Variants in CLCN4 observed in about 807,000 individuals in gnomAD.
The protein encoded by CLCN4 is H(+)/Cl(-) exchange transporter 4.
Under a neutral mutation model 41.7 loss-of-function variants are expected in CLCN4, and 1 was observed. The observed-to-expected ratio is 0.02, with a 90% CI of 0.01 to 0.11. The LOEUF (loss-of-function observed/expected upper bound fraction) is 0.11, where lower values mean the gene tolerates loss of function less well. Ranked by LOEUF, CLCN4 falls within the 10% of genes least tolerant of loss-of-function variation. CLCN4 has a pLI of 1.00. For missense variants in CLCN4, 287 were observed against 661.0 expected, an observed-to-expected ratio of 0.43 and a Z score of 6.20; for synonymous variants, 277 against 285.8, an observed-to-expected ratio of 0.97 and a Z score of 0.31.
intron 3 of CLCN4, among the ~76,000 whole-genome samples, chrX:10,186,163 T>C (rs1338780967): frequency 9.1e-6 from 1 of 110,435 alleles, no homozygotes; most frequent in East Asian, 2.9e-4. Context: ...GGCCATTGAG[T>C]TCTGTGTAGA....
At position 10,197,975 on chromosome X, in the gene CLCN4, A is replaced by C. The variant is rs913431577; in HGVS notation, c.469A>C (p.Ile157Leu). ...SAYILNYLMY[I>L]LWALLFAFLA... The stretch of plus-strand genomic sequence containing the variant: ...TTACATTCTGAATTACTTAATGTAC[A>C]TCCTATGGGCGCTGCTGTTTGCATT... The change falls in exon 6 of 13, where the codon ATC becomes CTC. Residue 157 changes from isoleucine (I) to leucine (L), a missense_variant. By Grantham distance (5) the Ile-to-Leu change is conservative. Around this residue, in one of 6 missense-constraint regions of CLCN4, gnomAD observed 90 missense variants for 209.8 expected, o/e 0.43. Coordinates refer to ENST00000380833, the MANE Select transcript of CLCN4 (RefSeq NM_001830.4). 1.7e-6 allele frequency: 2 copies of C among 1,209,852 alleles called. No homozygotes were observed. Among genetic ancestry groups the C allele is most frequent in the African/African-American group, 1.7e-5 (1 of 57,532 alleles).
In CLCN4 at chrX:10,234,367, C is replaced by T. The variant is rs1347290290; in HGVS notation, c.*783C>T. On this transcript the variant is annotated 3_prime_UTR_variant, in exon 13 of 13. Transcript: ENST00000380833. The stretch of plus-strand genomic sequence containing the variant: ...TCCTTATTTTGAGGGTATACTCACC[C>T]GATCATTGATTTGCATCCCCATGGC... The T allele has an allele frequency of 3.5e-5, 4 of 112,953 alleles. No individual in the cohort carries two copies. Among genetic ancestry groups the T allele is most frequent in the Admixed American group, 9.4e-5 (1 of 10,678 alleles). 9.3% of individuals were successfully genotyped at this position (112,953 alleles called of 1,213,427 possible).
intron 4 of CLCN4, among the ~76,000 whole-genome samples, chrX:10,192,698 C>T (rs1923999377): frequency 8.9e-6 from 1 of 111,962 alleles, no homozygotes; most frequent in Admixed American, 9.4e-5. Flanking sequence ...ATTTGGAAAG[C>T]CTATTTGACC....
chrX:10,188,759 A>G (rs1923879038), intron 4 of CLCN4, among the ~76,000 whole-genome samples: 1 of 112,523 alleles, frequency 8.9e-6, no homozygotes, highest in African/African-American at 3.2e-5. Flanking sequence ...TAAGAAGGAC[A>G]GAACACAAAT....
rs1924641749 is a variant in CLCN4 at position 10,214,035 on chromosome X, G to A, written c.1931G>A (p.Arg644His). 1 of 1,193,443 alleles carries A rather than the reference G, an allele frequency of 8.4e-7. No individual in the cohort carries two copies. The highest frequency in any genetic ancestry group is 1.1e-6 in the Non-Finnish European group (1 of 887,021). ...GTGGTGGTCTCCAGAGACTCCGAGCGCCTCATTGGATTTGCCCAGAGGAGG... is the reference window on the plus strand; with the variant it reads ...GTGGTGGTCTCCAGAGACTCCGAGCACCTCATTGGATTTGCCCAGAGGAGG... Reference protein sequence around the residue: ...FPVVVSRDSERLIGFAQRREL... With the variant: ...FPVVVSRDSEHLIGFAQRREL... Residue 644 changes from arginine to histidine, a missense_variant, in exon 11 of 13, where the codon CGC (arginine) becomes CAC (histidine). Physicochemically the swap from Arg to His is conservative, Grantham distance 29. Around this residue, in one of 6 missense-constraint regions of CLCN4, gnomAD observed 71 missense variants for 104.5 expected, o/e 0.68. Transcript: ENST00000380833.
intron 6 of CLCN4, among the ~76,000 whole-genome samples, chrX:10,204,611 G>GTTTTTTTTTTTT (rs1307394281): frequency 5.1e-5 from 1 of 19,685 alleles, no homozygotes; most frequent in African/African-American, 1.2e-4. Context: ...AAAGCTAGTA[G>GTTTTTTTTTTTT]TCTTTTTTTT....
chrX:10,220,962 C>T (rs997901373), intron 12 of CLCN4, 85 bp downstream of exon 12: 66 of 797,682 alleles, frequency 8.3e-5, no homozygotes, highest in Non-Finnish European at 1.2e-4. Flanking sequence ...ATGTGGAGGG[C>T]CATGGGGTGG....
intron 12 of CLCN4, among the ~76,000 whole-genome samples, chrX:10,230,822 T>C (rs1925109459): frequency 8.9e-6 from 1 of 112,391 alleles, no homozygotes; most frequent in Admixed American, 9.4e-5. Flanking sequence ...TTTGTTGTAA[T>C]TGATGAACCA....
rs41297324 is a variant in CLCN4, at chrX:10,220,715, C to T, written c.2030C>T (p.Thr677Met). Reference sequence around the variant, plus strand: ...GTGAGCAATTCCATCATGTACTTCACGGAGGAACCCCCCGAGCTGCCGGCC... The same window carrying T: ...GTGAGCAATTCCATCATGTACTTCATGGAGGAACCCCCCGAGCTGCCGGCC... ...GIVSNSIMYF[T>M]EEPPELPANS... Residue 677 changes from threonine (T) to methionine (M), a missense_variant, in exon 12 of 13, where the codon ACG (threonine) becomes ATG (methionine). By Grantham distance (81) the Thr-to-Met change is moderately conservative (BLOSUM62 -1). Around this residue, in one of 6 missense-constraint regions of CLCN4, gnomAD observed 71 missense variants for 104.5 expected, o/e 0.68. Transcript: ENST00000380833. 1,191 of 1,209,458 alleles carry T rather than the reference C, an allele frequency of 9.8e-4. No individual in the cohort carries two copies. The highest frequency in any genetic ancestry group is 1.3e-3 in the Non-Finnish European group (1,124 of 894,999).
chrX:10,237,213 CAT>C lies in CLCN4; in HGVS notation c.*3630_*3631del, dbSNP rs1380427713. On this transcript the variant is annotated 3_prime_UTR_variant, in exon 13 of 13. Transcript: ENST00000380833. The stretch of plus-strand genomic sequence containing the variant: ...AGAACTGATTACTTTAAATTACCAA[CAT>C]GTGCAAATTCTACTTAGTATTCATT... 1.8e-5 allele frequency: 2 copies of C among 112,416 alleles called. No individual in the cohort carries two copies. Among genetic ancestry groups the C allele is most frequent in the Non-Finnish European group, 3.7e-5 (2 of 53,344 alleles). The allele number at this position is 112,416 out of a possible 1,213,427, so 9.3% of individuals were successfully genotyped here.
At chrX:10,202,302 C>T (rs774901450) in intron 6 of CLCN4, among the ~76,000 whole-genome samples, 28 of 111,144 alleles carry the variant, frequency 2.5e-4, no homozygotes, top group Middle Eastern at 4.7e-3. Context: ...GGCAAAACCC[C>T]GTCTCTACTA....
chrX:10,207,789 A>C (rs762408936), intron 8 of CLCN4, among the ~76,000 whole-genome samples: 2 of 111,965 alleles, frequency 1.8e-5, no homozygotes, highest in Non-Finnish European at 3.8e-5. Context: ...TGTGCCATGA[A>C]CAGAATTATG....
At chrX:10,179,388 G>C (rs1017102627) in intron 2 of CLCN4, among the ~76,000 whole-genome samples, 1 of 111,662 alleles carries the variant, frequency 9.0e-6, no homozygotes, top group African/African-American at 3.3e-5. Context: ...CAAGTCTCTT[G>C]GTTAGTGGTC....
At chrX:10,198,224 C>T (rs1382878077) in intron 6 of CLCN4, among the ~76,000 whole-genome samples, 163 bp downstream of exon 6, 1 of 112,092 alleles carries the variant, frequency 8.9e-6, no homozygotes, top group Non-Finnish European at 1.9e-5. Flanking sequence ...TGATAGTTGA[C>T]GAAACTAAAG....
At position 10,230,628 on chromosome X, in the gene CLCN4, G is replaced by C. The variant is rs745792313; in HGVS notation, c.2193-2866G>C. Among the ~76,000 whole-genome samples the C allele has an allele frequency of 4.5e-5, 5 of 112,094 alleles. No individual in the cohort carries two copies. The South Asian group carries it at 1.9e-3, about 42-fold the overall frequency. Reference sequence around the variant, plus strand: ...TCATACTCACAGATGGGTTTTCCCAGGAGAACTCAGCATCTCACCGCAAAG... The same window carrying C: ...TCATACTCACAGATGGGTTTTCCCACGAGAACTCAGCATCTCACCGCAAAG... On this transcript the variant is annotated intron_variant, in intron 12 of 12. Transcript: ENST00000380833.
chrX:10,211,265 CAAAAA>C (rs71774120), intron 9 of CLCN4, among the ~76,000 whole-genome samples: 7 of 48,808 alleles, frequency 1.4e-4, no homozygotes, highest in East Asian at 1.8e-3. Context: ...GATTCCGTCT[CAAAAA>C]AAAAAAAAAA....
At chrX:10,175,966 CTCTCTGTG>C (rs1200159504) in intron 2 of CLCN4, among the ~76,000 whole-genome samples, 6 of 68,172 alleles carry the variant, frequency 8.8e-5, no homozygotes, top group Non-Finnish European at 1.3e-4. Context: ...CTCTCTCTCT[CTCTCTGTG>C]TGTGTGTGTA....
chrX:10,218,332 G>C (rs928323723), intron 11 of CLCN4, among the ~76,000 whole-genome samples: 1 of 111,726 alleles, frequency 9.0e-6, no homozygotes, highest in Non-Finnish European at 1.9e-5. Flanking sequence ...CTTTTAAAAA[G>C]ATGCATTTTC....
intron 12 of CLCN4, among the ~76,000 whole-genome samples, chrX:10,224,928 CT>C (rs756326226): frequency 8.9e-6 from 1 of 112,122 alleles, no homozygotes; most frequent in African/African-American, 3.2e-5. Context: ...GATCTCATTC[CT>C]TTTTATGGCT....
Sources: gnomAD v4.1 joint callset for allele counts (sites outside exome capture counted in the v4.1 genomes callset) on GRCh38, gnomAD v4.1.1 for gene constraint, gnomAD v4.1.1 regional missense constraint, MANE v1.5 for transcripts, NCBI Gene and HGNC (gene_info 2026-07-23, HGNC 2026-07-21) for gene names.